TRIM37: variants seen among roughly 807,000 people sequenced by gnomAD.
TRIM37 encodes E3 ubiquitin-protein ligase TRIM37.
Under a neutral mutation model 129.8 loss-of-function variants are expected in TRIM37, and 80 were observed. The observed-to-expected ratio is 0.62, with a 90% CI of 0.51 to 0.74. The LOEUF (loss-of-function observed/expected upper bound fraction) is 0.74. Among genes scored for constraint, TRIM37 ranks in the 30% least tolerant of loss-of-function variants. The pLI is 0.00. For missense variants in TRIM37, 1,054 were observed against 1,176.5 expected (o/e 0.90, Z 1.52); for synonymous variants, 389 against 387.1 (o/e 1.00, Z -0.06).
intron 17 of TRIM37, 130 bp from the exon 18 acceptor site, chr17:59,032,220 TAAG>T: frequency 9.3e-7 from 1 of 1,076,098 alleles, no homozygotes; most frequent in Non-Finnish European, 1.4e-6. Context: ...AGGTTCATGA[TAAG>T]AAGCAGAAAG....
intron 8 of TRIM37, among the ~76,000 whole-genome samples, chr17:59,072,911 T>C (rs1801302991): frequency 1.3e-5 from 2 of 152,180 alleles, no homozygotes; most frequent in Non-Finnish European, 1.5e-5. Flanking sequence ...TTGTCATTCA[T>C]ATTATTATGT....
rs1429341370 is a variant in TRIM37, at chr17:59,083,176, C to T, written c.369+826G>A. 2.0e-5 allele frequency among the ~76,000 whole-genome samples: 3 copies of T among 152,158 alleles called. No individual in the cohort carries two copies. In the East Asian group the frequency reaches 5.8e-4, roughly 29 times the overall value. ...AGAGGCTGGGCGCGGTGGCTTACCC[C>T]TGTAATCCCAGCACTTTGGGAGGCC... is the stretch of plus-strand genomic sequence containing the variant. On this transcript the variant is annotated intron_variant, in intron 5 of 23. Transcript: ENST00000262294.
At chr17:59,002,918 ACT>A (rs1276858492) in intron 22 of TRIM37, among the ~76,000 whole-genome samples, 26 of 152,176 alleles carry the variant, frequency 1.7e-4, no homozygotes, top group African/African-American at 6.0e-4. Flanking sequence ...ACAGGGTCTC[ACT>A]CTGTTACCCA....
intron 8 of TRIM37, 76 bp from the exon 9 acceptor site, chr17:59,071,023 AATT>A: frequency 6.5e-7 from 1 of 1,540,562 alleles, no homozygotes; most frequent in Admixed American, 1.7e-5. Flanking sequence ...AGAAATTACA[AATT>A]ATTCTGATTA....
At chr17:59,025,737 C>A (rs1042044530) in intron 19 of TRIM37, among the ~76,000 whole-genome samples, 3 of 151,392 alleles carry the variant, frequency 2.0e-5, no homozygotes, top group African/African-American at 7.2e-5. Context: ...CTGTACAGTA[C>A]AACAAGCCTG....
chr17:59,033,916 G>C, intron 17 of TRIM37, among the ~76,000 whole-genome samples: 1 of 151,620 alleles, frequency 6.6e-6, no homozygotes, highest in Admixed American at 6.6e-5. Flanking sequence ...TCAAGAGTTA[G>C]AGACCAGCCT....
chr17:58,975,866 A>C, the TRIM37 span, among the ~76,000 whole-genome samples: 4 of 152,264 alleles, frequency 2.6e-5, no homozygotes, highest in Non-Finnish European at 5.9e-5. Context: ...TTTGTTACAG[A>C]GATGAGGAGA....
At chr17:58,982,797 G>C in exon 25 of TRIM37, 2 of 950,400 alleles carry the variant, frequency 2.1e-6, no homozygotes, top group African/African-American at 3.3e-5. Context: ...CCCAACTATA[G>C]TGCCGGAACC....
intron 5 of TRIM37, among the ~76,000 whole-genome samples, chr17:59,081,579 A>G (rs115712797): frequency 0.029 from 4,393 of 152,150 alleles, 175 homozygotes; most frequent in African/African-American, 0.09. Flanking sequence ...ACTTCTTTCC[A>G]CCAGGACTTT....
chr17:59,103,220 T>C (rs1327222172), intron 2 of TRIM37, among the ~76,000 whole-genome samples: 1 of 152,146 alleles, frequency 6.6e-6, no homozygotes, highest in African/African-American at 2.4e-5. Flanking sequence ...CTCTTTGATT[T>C]TCTCAGGAAA....
chr17:59,021,300 C>T (rs1419725385), intron 19 of TRIM37, among the ~76,000 whole-genome samples: 2 of 151,950 alleles, frequency 1.3e-5, no homozygotes, highest in African/African-American at 2.4e-5. Context: ...GAGGCCGAGG[C>T]AGGAGAATGA....
intron 16 of TRIM37, among the ~76,000 whole-genome samples, chr17:59,042,270 G>A (rs567720519): frequency 6.7e-6 from 1 of 150,028 alleles, no homozygotes; most frequent in African/African-American, 2.5e-5. Context: ...CAGCTACTCA[G>A]GAGGCTGAAT....
chr17:59,078,736 T>A (rs536877866), intron 7 of TRIM37, among the ~76,000 whole-genome samples: 1 of 152,320 alleles, frequency 6.6e-6, no homozygotes, highest in East Asian at 1.9e-4. Flanking sequence ...TAAGTGGCAT[T>A]GTGACCAGTA....
At chr17:59,026,837 T>G (rs981714219) in intron 19 of TRIM37, among the ~76,000 whole-genome samples, 1 of 152,220 alleles carries the variant, frequency 6.6e-6, no homozygotes, top group Admixed American at 6.5e-5. Context: ...CAGTGATACT[T>G]AACACACTTA....
At chr17:59,022,065 ATATAGT>A (rs2036669313) in intron 19 of TRIM37, among the ~76,000 whole-genome samples, 1 of 152,192 alleles carries the variant, frequency 6.6e-6, no homozygotes, top group Admixed American at 6.5e-5. Context: ...AGCAAATAAC[ATATAGT>A]TAAAATAATT....
intron 2 of TRIM37, among the ~76,000 whole-genome samples, chr17:59,101,959 A>G (rs1171435999): frequency 4.0e-5 from 6 of 151,552 alleles, no homozygotes; most frequent in Non-Finnish European, 8.8e-5. Context: ...AAAAAATAAA[A>G]AATAAAAAAA....
intron 15 of TRIM37, among the ~76,000 whole-genome samples, chr17:59,048,593 C>G (rs1296594169): frequency 6.6e-6 from 1 of 151,996 alleles, no homozygotes; most frequent in East Asian, 1.9e-4. Context: ...AAATAGAACA[C>G]CTTTTTTTTT....
chr17:58,981,001 A>C (rs781474648), downstream of TRIM37: 1 of 1,611,464 alleles, frequency 6.2e-7, no homozygotes, highest in Non-Finnish European at 8.5e-7. Flanking sequence ...TTCCATGCCC[A>C]GATCTTCCTT....
intron 17 of TRIM37, among the ~76,000 whole-genome samples, chr17:59,040,994 C>T (rs1002831823): frequency 1.2e-4 from 18 of 151,222 alleles, no homozygotes; most frequent in Admixed American, 2.0e-4. Context: ...TGCAGTGAGC[C>T]GAGATTGCGC....
Sources: gnomAD v4.1 joint callset for allele counts (sites outside exome capture counted in the v4.1 genomes callset) on GRCh38, gnomAD v4.1.1 for gene constraint, MANE v1.5 for transcripts, NCBI Gene and HGNC (gene_info 2026-07-23, HGNC 2026-07-21) for gene names.